The following TMEM232 variants were observed in gnomAD, a reference collection of about 807,000 sequenced individuals.
TMEM232 encodes transmembrane protein 232.
Under a neutral mutation model 78.8 loss-of-function variants are expected in TMEM232, and 80 were observed. The ratio of observed to expected loss-of-function variants is 1.01; its 90% CI spans 0.85 to 1.22. The LOEUF (loss-of-function observed/expected upper bound fraction) is 1.22, where lower values mean the gene tolerates loss of function less well. Among genes scored for constraint, TMEM232 ranks in the 50% most tolerant of loss-of-function variants. The pLI is 0.00. For synonymous variants in TMEM232, 297 were observed against 254.3 expected (o/e 1.17, Z -1.60); for missense variants, 881 against 742.2 (o/e 1.19, Z -2.17).
intron 7 of TMEM232, among the ~76,000 whole-genome samples, chr5:110,620,680 T>C (rs924186740): frequency 1.9e-4 from 28 of 144,826 alleles, no homozygotes; most frequent in African/African-American, 6.9e-4. Flanking sequence ...TCTCTCTCTC[T>C]CTCCCTCTCT....
At chr5:110,679,528 GA>G (rs1792449783) in intron 1 of TMEM232, among the ~76,000 whole-genome samples, 1 of 152,052 alleles carries the variant, frequency 6.6e-6, no homozygotes, top group African/African-American at 2.4e-5. Flanking sequence ...GAAATTTAAT[GA>G]AGTCGACCTT....
chr5:110,640,788 C>T (rs1786570471), intron 4 of TMEM232, 103 bp downstream of exon 4: 1 of 697,640 alleles, frequency 1.4e-6, no homozygotes, highest in African/African-American at 1.9e-5. Flanking sequence ...AGAAAAATTT[C>T]TTGTCTTCTG....
chr5:110,498,534 T>C (rs1318046395), intron 12 of TMEM232, among the ~76,000 whole-genome samples: 1 of 152,122 alleles, frequency 6.6e-6, no homozygotes, highest in Non-Finnish European at 1.5e-5. Flanking sequence ...ATATAAAAGT[T>C]AACTATTTAA....
chr5:110,717,646 T>C (rs551604143), intron 1 of TMEM232, among the ~76,000 whole-genome samples: 256 of 152,252 alleles, frequency 1.7e-3, no homozygotes, highest in African/African-American at 5.7e-3. Flanking sequence ...ACCTCCATAA[T>C]CCTCACATGT....
intron 11 of TMEM232, among the ~76,000 whole-genome samples, chr5:110,552,867 C>T (rs1302112493): frequency 5.3e-5 from 8 of 152,008 alleles, no homozygotes; most frequent in African/African-American, 1.9e-4. Context: ...GTTTTTATAG[C>T]TTTTGGTCTC....
chr5:110,686,646 C>T (rs188861858), intron 1 of TMEM232, among the ~76,000 whole-genome samples: 1 of 152,004 alleles, frequency 6.6e-6, no homozygotes, highest in East Asian at 1.9e-4. Flanking sequence ...TTGTACATTT[C>T]ACTATATGCA....
intron 2 of TMEM232, among the ~76,000 whole-genome samples, chr5:110,401,937 T>A (rs908635749): frequency 6.6e-6 from 1 of 152,070 alleles, no homozygotes; most frequent in Admixed American, 6.6e-5. Flanking sequence ...GTCCTCATGA[T>A]TTCTATTGTT....
At chr5:110,506,557 T>C (rs1766930204) in intron 12 of TMEM232, among the ~76,000 whole-genome samples, 1 of 152,070 alleles carries the variant, frequency 6.6e-6, no homozygotes, top group South Asian at 2.1e-4. Context: ...GTTTCAGGGG[T>C]CTCAATTACC....
intron 1 of TMEM232, among the ~76,000 whole-genome samples, chr5:110,713,271 G>C (rs1796683911): frequency 6.6e-6 from 1 of 152,158 alleles, no homozygotes; most frequent in South Asian, 2.1e-4. Flanking sequence ...TGGTGGGACA[G>C]AAGTGAGGAT....
chr5:110,668,128 T>C (rs1394753527), intron 1 of TMEM232, among the ~76,000 whole-genome samples: 1 of 152,122 alleles, frequency 6.6e-6, no homozygotes, highest in Non-Finnish European at 1.5e-5. Context: ...TGGCAGGAAA[T>C]GCAGGGCACA....
chr5:110,523,700 C>A (rs188799648), intron 12 of TMEM232, among the ~76,000 whole-genome samples: 32 of 152,174 alleles, frequency 2.1e-4, no homozygotes, highest in Non-Finnish European at 2.9e-5. Context: ...TGCTTATAAT[C>A]CCAGCAGTTT....
In TMEM232 at chr5:110,590,456, T is replaced by C. The variant is rs535324696; in HGVS notation, c.1276+14653A>G. On this transcript the variant is annotated intron_variant, in intron 10 of 13. Transcript: ENST00000455884. ...CATTCTCATAGGAACATGAACCCTA[T>C]TGTGAACAGTGCATGAGTGGGATCT... Among the ~76,000 whole-genome samples the C allele has an allele frequency of 2.6e-5, 4 of 152,246 alleles. No homozygotes were observed. The South Asian group carries it at 8.3e-4, about 32-fold the overall frequency.
chr5:110,652,294 G>GCGCGCACACACACACACACACA (rs1554069154), intron 2 of TMEM232, among the ~76,000 whole-genome samples: 1,577 of 145,428 alleles, frequency 0.011, 11 homozygotes, highest in Admixed American at 0.022. Flanking sequence ...GCACGCGCGC[G>GCGCGCACACACACACACACACA]CACACACACA....
intron 1 of TMEM232, among the ~76,000 whole-genome samples, chr5:110,723,191 G>A (rs1206399880): frequency 5.3e-5 from 8 of 152,046 alleles, no homozygotes; most frequent in Non-Finnish European, 1.0e-4. Flanking sequence ...TTCTTTAATA[G>A]TTATAGGTCT....
intron 1 of TMEM232, among the ~76,000 whole-genome samples, chr5:110,683,440 T>C (rs1003934096): frequency 6.6e-6 from 1 of 151,866 alleles, no homozygotes; most frequent in African/African-American, 2.4e-5. Context: ...AGAGAGTACA[T>C]GTGATTCTCT....
At chr5:110,463,485 A>G (rs1040598162) in intron 12 of TMEM232, among the ~76,000 whole-genome samples, 1 of 152,224 alleles carries the variant, frequency 6.6e-6, no homozygotes, top group East Asian at 1.9e-4. Flanking sequence ...AACTTGCAAT[A>G]TCTCTGAGTT....
At chr5:110,515,801 A>G (rs1038245580) in intron 12 of TMEM232, among the ~76,000 whole-genome samples, 8 of 152,166 alleles carry the variant, frequency 5.3e-5, no homozygotes, top group Non-Finnish European at 1.2e-4. Context: ...GCTGCAGAGG[A>G]GGAGCACTAG....
At position 110,642,320 on chromosome 5, in the gene TMEM232, T is replaced by C. The variant is rs192437302; in HGVS notation, c.177A>G (p.Gln59=). The C allele has an allele frequency of 6.6e-5, 101 of 1,540,052 alleles. 2 individuals carry two copies. The East Asian group carries it at 8.7e-4, about 13-fold the overall frequency. Residue 59 remains glutamine (Q), a synonymous_variant, in exon 3 of 14, where the codon CAA becomes CAG. Coordinates refer to ENST00000455884, the MANE Select transcript of TMEM232 (RefSeq NM_001039763.4). ...ACAATTCTTCCTTCTCTTTGGAATTTTGTGTTTGATTGAATCTCAAGATGA... is the reference window on the plus strand; with the variant it reads ...ACAATTCTTCCTTCTCTTTGGAATTCTGTGTTTGATTGAATCTCAAGATGA... The part of the protein sequence containing the change: ...KEFILRFNQT[Q]NSKEKEELLE...
chr5:110,627,523 C>T (rs1206337453), intron 6 of TMEM232, among the ~76,000 whole-genome samples: 2 of 151,828 alleles, frequency 1.3e-5, no homozygotes, highest in African/African-American at 4.8e-5. Context: ...TAATGTATTG[C>T]ATTTTTCAAA....
Sources: gnomAD v4.1 joint callset for allele counts (sites outside exome capture counted in the v4.1 genomes callset) on GRCh38, gnomAD v4.1.1 for gene constraint, MANE v1.5 for transcripts, NCBI Gene and HGNC (gene_info 2026-07-23, HGNC 2026-07-21) for gene names.